CFAP58: variants seen among roughly 807,000 people sequenced by gnomAD.
CFAP58 encodes the protein cilia- and flagella-associated protein 58.
A neutral mutation model predicts 119.5 loss-of-function variants in CFAP58; 88 were observed. That is an observed-to-expected ratio of 0.74 (90% CI 0.62 to 0.88). CFAP58 has a LOEUF of 0.88. Ranked by LOEUF, CFAP58 falls within the 40% of genes least tolerant of loss-of-function variation. CFAP58 has a pLI of 0.00. For missense variants in CFAP58, 990 were observed against 1,021.2 expected, an observed-to-expected ratio of 0.97 and a Z score of 0.42; for synonymous variants, 365 against 366.3, an observed-to-expected ratio of 1.00 and a Z score of 0.04.
intron 15 of CFAP58, among the ~76,000 whole-genome samples, chr10:104,411,157 C>T (rs1273714731): frequency 2.0e-5 from 3 of 152,144 alleles, no homozygotes; most frequent in Non-Finnish European, 2.9e-5. Context: ...CCAGGCTGGT[C>T]TCGAACTCCT....
intron 15 of CFAP58, among the ~76,000 whole-genome samples, chr10:104,440,912 C>G (rs2013026666): frequency 6.6e-6 from 1 of 152,138 alleles, no homozygotes; most frequent in Non-Finnish European, 1.5e-5. Flanking sequence ...CTCCTAGCAC[C>G]TCTTTGGGAA....
chr10:104,447,004 C>T (rs2013120391), intron 15 of CFAP58, among the ~76,000 whole-genome samples: 1 of 151,912 alleles, frequency 6.6e-6, no homozygotes, highest in African/African-American at 2.4e-5. Context: ...CTTCCCATGC[C>T]ATCATATTTC....
chr10:104,367,759 T>G (rs950110097), intron 5 of CFAP58, among the ~76,000 whole-genome samples: 3 of 152,202 alleles, frequency 2.0e-5, no homozygotes, highest in Non-Finnish European at 4.4e-5. Context: ...TTGCTATCCC[T>G]CCACCTCCTC....
At chr10:104,393,176 G>A (rs560152353) in intron 10 of CFAP58, among the ~76,000 whole-genome samples, 153 bp from the exon 11 acceptor site, 4 of 152,314 alleles carry the variant, frequency 2.6e-5, no homozygotes, top group Admixed American at 2.6e-4. Context: ...AGGTCGATGG[G>A]CACTAGAGAC....
chr10:104,346,072 G>A, the CFAP58 span, among the ~76,000 whole-genome samples: 1 of 152,054 alleles, frequency 6.6e-6, no homozygotes. Flanking sequence ...GCCTCAGGAA[G>A]CTTATAGCCA....
intron 7 of CFAP58, among the ~76,000 whole-genome samples, chr10:104,376,276 T>C (rs2011660320): frequency 6.6e-6 from 1 of 151,576 alleles, no homozygotes; most frequent in African/African-American, 2.4e-5. Flanking sequence ...CCAGACCTCT[T>C]AGATAGGAAT....
upstream of CFAP58, among the ~76,000 whole-genome samples, chr10:104,350,130 G>T (rs2014443171): frequency 6.6e-6 from 1 of 152,188 alleles, no homozygotes; most frequent in Non-Finnish European, 1.5e-5. Flanking sequence ...TTCTCCTGAT[G>T]CTCCTCAAGG....
At chr10:104,395,923 C>T (rs1422776088) in intron 11 of CFAP58, among the ~76,000 whole-genome samples, 1 of 152,160 alleles carries the variant, frequency 6.6e-6, no homozygotes, top group Non-Finnish European at 1.5e-5. Flanking sequence ...GTAGGTCATC[C>T]TCATCTTCAT....
Position 104,374,953 on chromosome 10 carries a change from C to T in CFAP58, c.1091-1858C>T, listed in dbSNP as rs75512144. Among the ~76,000 whole-genome samples the T allele has an allele frequency of 9.8e-3, 1,478 of 150,866 alleles. 18 individuals are homozygous for T. The highest frequency in any genetic ancestry group is 0.023 in the African/African-American group (948 of 41,168). On this transcript the variant is annotated intron_variant, in intron 7 of 17. Transcript: ENST00000369704. Reference sequence around the variant, plus strand: ...GAAAAACCATGGGTTTTTAAAAATTCGGATGCTGATGCACATTTATAGTAT... The same window carrying T: ...GAAAAACCATGGGTTTTTAAAAATTTGGATGCTGATGCACATTTATAGTAT...
At chr10:104,352,788 T>C (rs2014478114), upstream of CFAP58, among the ~76,000 whole-genome samples, 1 of 152,196 alleles carries the variant, frequency 6.6e-6, no homozygotes, top group Non-Finnish European at 1.5e-5. Context: ...ATGCCCCTTA[T>C]GAAACGCTGT....
chr10:104,371,097 G>A, intron 7 of CFAP58, 43 bp downstream of exon 7: 1 of 1,551,238 alleles, frequency 6.4e-7, no homozygotes, highest in Non-Finnish European at 8.7e-7. Context: ...ACATTTTATT[G>A]GTGACTGATG....
intron 2 of CFAP58, among the ~76,000 whole-genome samples, chr10:104,361,500 A>G (rs1307745960): frequency 1.3e-5 from 2 of 152,220 alleles, no homozygotes; most frequent in East Asian, 1.9e-4. Flanking sequence ...AATTCAGTCT[A>G]TCAATTTAGG....
intron 8 of CFAP58, among the ~76,000 whole-genome samples, chr10:104,377,582 G>A (rs530662086): frequency 6.6e-6 from 1 of 152,310 alleles, no homozygotes; most frequent in Non-Finnish European, 1.5e-5. Context: ...CTTCCAGGGA[G>A]GAAGAAGCCA....
intron 10 of CFAP58, among the ~76,000 whole-genome samples, 160 bp from the exon 11 acceptor site, chr10:104,393,169 T>A (rs187005536): frequency 6.6e-5 from 10 of 152,272 alleles, no homozygotes; most frequent in African/African-American, 2.4e-4. Context: ...TACTTTGAGG[T>A]CGATGGGCAC....
Position 104,450,669 on chromosome 10 carries a change from TTTTATTTATTTATTTATTTA to T in CFAP58, c.2510+489_2510+508del, listed in dbSNP as rs3069011. On this transcript the variant is annotated intron_variant, in intron 17 of 17. Transcript: ENST00000369704. ...TATAACTACTAGCAGTTCACCTATG[TTTTATTTATTTATTTATTTA>T]TTTATTTATTTATTTATTTATTTTT... 7.7e-5 allele frequency among the ~76,000 whole-genome samples: 11 copies of T among 143,346 alleles called. No homozygotes were observed. The South Asian group carries it at 1.3e-3, about 17-fold the overall frequency. 94.0% of individuals were successfully genotyped at this position (143,346 alleles called of 152,430 possible).
intron 15 of CFAP58, among the ~76,000 whole-genome samples, chr10:104,408,974 C>T (rs1013163032): frequency 6.6e-5 from 10 of 152,018 alleles, no homozygotes; most frequent in African/African-American, 1.2e-4. Context: ...GGGGCGTGCA[C>T]GTTTAGTCCC....
chr10:104,368,265 C>T (rs1485503368), intron 5 of CFAP58, among the ~76,000 whole-genome samples, 158 bp from the exon 6 acceptor site: 2 of 152,186 alleles, frequency 1.3e-5, no homozygotes, highest in East Asian at 3.8e-4. Context: ...TATTTGAGTG[C>T]GTTAGTGCTT....
At chr10:104,391,626 G>C (rs1419416062) in intron 9 of CFAP58, among the ~76,000 whole-genome samples, 3 of 152,146 alleles carry the variant, frequency 2.0e-5, no homozygotes, top group African/African-American at 7.2e-5. Context: ...TTCAGGTGTT[G>C]GTTTTTCATG....
At chr10:104,342,339 T>A in the CFAP58 span, among the ~76,000 whole-genome samples, 3 of 152,206 alleles carry the variant, frequency 2.0e-5, no homozygotes, top group Non-Finnish European at 4.4e-5. Context: ...ATGTTTTGAT[T>A]TGCAGTTTTT....
Sources: gnomAD v4.1 joint callset for allele counts (sites outside exome capture counted in the v4.1 genomes callset) on GRCh38, gnomAD v4.1.1 for gene constraint, MANE v1.5 for transcripts, NCBI Gene and HGNC (gene_info 2026-07-23, HGNC 2026-07-21) for gene names.